EYA4: variants seen among roughly 807,000 people sequenced by gnomAD.
EYA4 encodes the protein EYA transcriptional coactivator and phosphatase 4, also known as protein phosphatase EYA4.
In EYA4, 31 loss-of-function variants were observed where a neutral mutation model predicts 87.9. That is an observed-to-expected ratio of 0.35 (90% CI 0.27 to 0.48). The LOEUF (loss-of-function observed/expected upper bound fraction) is 0.48. Among genes scored for constraint, EYA4 ranks in the 20% least tolerant of loss-of-function variants. EYA4 has a pLI of 0.99. For synonymous variants in EYA4, 263 were observed against 270.6 expected (o/e 0.97, Z 0.28); for missense variants, 678 against 761.4 (o/e 0.89, Z 1.29).
At chr6:133,319,372 C>T (rs1387939023) in intron 2 of EYA4, among the ~76,000 whole-genome samples, 2 of 152,124 alleles carry the variant, frequency 1.3e-5, no homozygotes, top group African/African-American at 4.8e-5. Context: ...AAAATCTTCC[C>T]TATGGATTGC....
chr6:133,496,795 T>C (rs895649602), intron 13 of EYA4, among the ~76,000 whole-genome samples: 2 of 152,188 alleles, frequency 1.3e-5, no homozygotes, highest in East Asian at 1.9e-4. Context: ...AGAAAATTCA[T>C]AAAAATATAC....
intron 3 of EYA4, among the ~76,000 whole-genome samples, chr6:133,429,030 G>A (rs1352344005): frequency 2.9e-5 from 4 of 138,734 alleles, no homozygotes; most frequent in South Asian, 2.4e-4. Flanking sequence ...AGGTTCAAGC[G>A]ATTCTCCTGC....
At chr6:133,254,552 A>AG (rs1428921941) in intron 1 of EYA4, among the ~76,000 whole-genome samples, 3 of 152,140 alleles carry the variant, frequency 2.0e-5, no homozygotes, top group Admixed American at 6.5e-5. Flanking sequence ...TTGCTTATTT[A>AG]GGGGGGAAAG....
intron 17 of EYA4, among the ~76,000 whole-genome samples, chr6:133,517,764 T>C (rs1201130209): frequency 6.6e-6 from 1 of 152,118 alleles, no homozygotes; most frequent in Non-Finnish European, 1.5e-5. Flanking sequence ...AAGCAGCCTG[T>C]GTCAAGTGTG....
At chr6:133,403,494 C>A (rs1238536466) in intron 3 of EYA4, among the ~76,000 whole-genome samples, 2 of 152,136 alleles carry the variant, frequency 1.3e-5, no homozygotes, top group African/African-American at 4.8e-5. Context: ...AAAAATACAA[C>A]TTTGTTCTTG....
At chr6:133,256,584 ATAT>A (rs950147274) in intron 1 of EYA4, among the ~76,000 whole-genome samples, 2 of 152,128 alleles carry the variant, frequency 1.3e-5, no homozygotes, top group African/African-American at 4.8e-5. Flanking sequence ...GTGTTGATAA[ATAT>A]TATTATACAT....
intron 1 of EYA4, among the ~76,000 whole-genome samples, chr6:133,259,605 T>A (rs1173238404): frequency 6.6e-6 from 1 of 152,250 alleles, no homozygotes; most frequent in Non-Finnish European, 1.5e-5. Context: ...CAATAAAATT[T>A]CCTCAAGTGT....
intron 3 of EYA4, among the ~76,000 whole-genome samples, chr6:133,384,857 C>T (rs1583131535): frequency 6.6e-6 from 1 of 152,062 alleles, no homozygotes; most frequent in East Asian, 1.9e-4. Flanking sequence ...GAATAGTGAA[C>T]AAATTATATG....
chr6:133,338,794 A>G (rs1271986842), intron 2 of EYA4, among the ~76,000 whole-genome samples: 2 of 152,154 alleles, frequency 1.3e-5, no homozygotes, highest in Non-Finnish European at 2.9e-5. Flanking sequence ...ACTAAACAAT[A>G]TTACATGGAT....
intron 3 of EYA4, among the ~76,000 whole-genome samples, chr6:133,430,679 T>C (rs778374863): frequency 3.3e-5 from 5 of 152,196 alleles, no homozygotes; most frequent in Non-Finnish European, 7.3e-5. Context: ...TATTGAGTAG[T>C]GCAGCAAAAC....
intron 13 of EYA4, among the ~76,000 whole-genome samples, chr6:133,497,673 A>G (rs1171050900): frequency 2.6e-5 from 4 of 152,194 alleles, no homozygotes; most frequent in Non-Finnish European, 5.9e-5. Context: ...CTGATTGTGT[A>G]TATCATTTTA....
At chr6:133,434,406 TGTGTTGTAGAA>T (rs775187459) in intron 3 of EYA4, among the ~76,000 whole-genome samples, 138 of 152,342 alleles carry the variant, frequency 9.1e-4, no homozygotes, top group Non-Finnish European at 1.7e-3. Context: ...TTTTATTGTC[TGTGTTGTAGAA>T]GTGATTGTAG....
chr6:133,251,289 T>G (rs1407498371), intron 1 of EYA4, among the ~76,000 whole-genome samples: 1 of 152,132 alleles, frequency 6.6e-6, no homozygotes, highest in African/African-American at 2.4e-5. Context: ...ATTATGAGAA[T>G]TTGTATAATT....
intron 2 of EYA4, among the ~76,000 whole-genome samples, chr6:133,282,108 A>C (rs975944836): frequency 4.6e-5 from 7 of 152,182 alleles, no homozygotes; most frequent in Admixed American, 1.3e-4. Flanking sequence ...GTCTATAACC[A>C]GTAGTAGGAT....
chr6:133,451,678 A>T (rs1349450579), intron 5 of EYA4, among the ~76,000 whole-genome samples: 1 of 152,236 alleles, frequency 6.6e-6, no homozygotes, highest in African/African-American at 2.4e-5. Flanking sequence ...GGAGGCAGAC[A>T]TGAAAATAAT....
intron 2 of EYA4, among the ~76,000 whole-genome samples, chr6:133,323,373 T>G (rs886175982): frequency 4.6e-5 from 7 of 152,096 alleles, no homozygotes; most frequent in Non-Finnish European, 8.8e-5. Context: ...TGCCTAGGTT[T>G]CTAAGTTTGG....
chr6:133,270,643 T>G (rs1010188160), intron 1 of EYA4, among the ~76,000 whole-genome samples: 1 of 152,200 alleles, frequency 6.6e-6, no homozygotes, highest in Non-Finnish European at 1.5e-5. Flanking sequence ...TGTTTTTTTT[T>G]CCTTGTGGAG....
In EYA4 at chr6:133,388,031, A is replaced by T. The variant is rs117275091; in HGVS notation, c.83+5590A>T. Among the ~76,000 whole-genome samples, 18 of 152,224 alleles carry T rather than the reference A, an allele frequency of 1.2e-4. No homozygotes were observed. In the East Asian group the frequency reaches 3.3e-3, roughly 28 times the overall value. ...GCTGACCTATCTTGATCCTTTGTTC[A>T]TGGTGGCATCTGTGCTGATTTCCTC... On this transcript the variant is annotated intron_variant, in intron 3 of 19. Transcript: ENST00000355286.
At chr6:133,273,309 C>G (rs1277775522) in intron 1 of EYA4, among the ~76,000 whole-genome samples, 1 of 151,772 alleles carries the variant, frequency 6.6e-6, no homozygotes, top group Non-Finnish European at 1.5e-5. Context: ...CTTTTTTTCA[C>G]ACTTTTCTGC....
Sources: gnomAD v4.1 joint callset for allele counts (sites outside exome capture counted in the v4.1 genomes callset) on GRCh38, gnomAD v4.1.1 for gene constraint, MANE v1.5 for transcripts, NCBI Gene and HGNC (gene_info 2026-07-23, HGNC 2026-07-21) for gene names.